Variants in PTPRD observed in about 807,000 individuals in gnomAD.
PTPRD encodes protein tyrosine phosphatase receptor type D.
In PTPRD, 34 loss-of-function variants were observed where a neutral mutation model predicts 214.5. The observed-to-expected ratio is 0.16, with a 90% CI of 0.12 to 0.21. PTPRD has a LOEUF of 0.21. PTPRD is among the 10% of genes least tolerant of loss of function. The pLI, the probability that PTPRD is intolerant of heterozygous loss-of-function variation, is 1.00. For missense variants in PTPRD, 2,545 were observed against 2,398.7 expected (o/e 1.06, Z -1.27); for synonymous variants, 1,128 against 845.7 (o/e 1.33, Z -5.79).
chr9:9,224,051 T>C lies in PTPRD; in HGVS notation c.-202-40688A>G, dbSNP rs187992713. On this transcript the variant is annotated intron_variant, in intron 9 of 45. Coordinates refer to ENST00000381196, the MANE Select transcript of PTPRD (RefSeq NM_002839.4). Reference sequence around the variant, plus strand: ...TGATTAGAAGATCATGTTGGTTTTGTACAAGGCCAGAACATTCTATAAAGA... The same window carrying C: ...TGATTAGAAGATCATGTTGGTTTTGCACAAGGCCAGAACATTCTATAAAGA... Among the ~76,000 whole-genome samples, 19 of 152,132 alleles carry C rather than the reference T, an allele frequency of 1.2e-4. No homozygotes were observed. The East Asian group carries it at 3.7e-3, about 29-fold the overall frequency.
At chr9:9,863,224 G>A (rs1051209471) in intron 5 of PTPRD, among the ~76,000 whole-genome samples, 11 of 152,126 alleles carry the variant, frequency 7.2e-5, no homozygotes, top group African/African-American at 2.7e-4. Context: ...GCAGATTAAA[G>A]GTTCACGGAC....
intron 4 of PTPRD, among the ~76,000 whole-genome samples, chr9:10,006,968 T>C (rs1335622011): frequency 1.3e-5 from 2 of 152,008 alleles, no homozygotes; most frequent in East Asian, 3.8e-4. Flanking sequence ...ATTATCACTA[T>C]TGGTATAATA....
At chr9:8,876,668 T>A (rs1372841363) in intron 11 of PTPRD, among the ~76,000 whole-genome samples, 2 of 152,214 alleles carry the variant, frequency 1.3e-5, no homozygotes, top group Non-Finnish European at 2.9e-5. Context: ...CTAGGAAATT[T>A]AATTGCAAAA....
intron 43 of PTPRD, among the ~76,000 whole-genome samples, chr9:8,332,064 C>T (rs756798324): frequency 1.1e-4 from 16 of 152,162 alleles, no homozygotes; most frequent in African/African-American, 3.1e-4. Context: ...AGTGGGGGTT[C>T]GTAACCATTC....
chr9:9,374,283 T>C (rs1432265587), intron 9 of PTPRD, among the ~76,000 whole-genome samples: 3 of 152,086 alleles, frequency 2.0e-5, no homozygotes, highest in Non-Finnish European at 2.9e-5. Flanking sequence ...TAATCTATAT[T>C]AGTTCTATTT....
Position 8,581,913 on chromosome 9 carries a change from CAAAAAAAAA to C in PTPRD, c.352+51395_352+51403del, listed in dbSNP as rs36007156. Among the ~76,000 whole-genome samples, 126 of 34,944 alleles carry C rather than the reference CAAAAAAAAA, an allele frequency of 3.6e-3. 2 individuals carry two copies. Among genetic ancestry groups the C allele is most frequent in the African/African-American group, 6.2e-3 (76 of 12,184 alleles). 22.9% of individuals were successfully genotyped at this position (34,944 alleles called of 152,430 possible). Reference sequence around the variant, plus strand: ...GGATGACAGAGCATGACTCAATCTCCAAAAAAAAAAAAAAAAAAAAAAAAAAAAAGAGGG... The same window carrying C: ...GGATGACAGAGCATGACTCAATCTCCAAAAAAAAAAAAAAAAAAAAGAGGG... On this transcript the variant is annotated intron_variant, in intron 14 of 45. Transcript: ENST00000381196.
intron 11 of PTPRD, among the ~76,000 whole-genome samples, chr9:8,835,098 G>A (rs1447214187): frequency 2.0e-5 from 3 of 152,222 alleles, no homozygotes; most frequent in Non-Finnish European, 4.4e-5. Context: ...GGATTCAACT[G>A]GGCCCCATGC....
intron 9 of PTPRD, among the ~76,000 whole-genome samples, chr9:9,325,031 G>A (rs975860174): frequency 6.6e-6 from 1 of 152,124 alleles, no homozygotes; most frequent in Non-Finnish European, 1.5e-5. Flanking sequence ...TGAGCCCTCT[G>A]TTCTGTTCCA....
intron 39 of PTPRD, among the ~76,000 whole-genome samples, chr9:8,354,356 A>G (rs376740648): frequency 6.6e-6 from 1 of 152,162 alleles, no homozygotes; most frequent in South Asian, 2.1e-4. Flanking sequence ...ACTATCTACC[A>G]TGACTGGTAA....
At chr9:9,798,977 G>A (rs1470835163) in intron 5 of PTPRD, among the ~76,000 whole-genome samples, 2 of 152,036 alleles carry the variant, frequency 1.3e-5, no homozygotes, top group Non-Finnish European at 2.9e-5. Flanking sequence ...TTTGAAAGTT[G>A]GGACATTTTT....
rs372913161 is a variant in PTPRD at position 8,484,386 on chromosome 9, G to A, written c.3154-8C>T. On this transcript the variant is annotated splice_polypyrimidine_tract_variant and splice_region_variant and intron_variant, in intron 29 of 45. Coordinates refer to ENST00000381196, the MANE Select transcript of PTPRD (RefSeq NM_002839.4). ...CCCATCATCATAAAGAATCTAAAGA[G>A]ATAAAACCAATAAAAAAAAAATCTG... The A allele has an allele frequency of 1.9e-6, 3 of 1,588,596 alleles. No individual in the cohort carries two copies. The highest frequency in any genetic ancestry group is 2.3e-5 in the South Asian group (2 of 88,034).
intron 5 of PTPRD, among the ~76,000 whole-genome samples, chr9:9,819,834 T>G (rs777871700): frequency 3.3e-5 from 5 of 152,178 alleles, no homozygotes; most frequent in Non-Finnish European, 5.9e-5. Context: ...TTTTTTTTTC[T>G]TTTATGGCTA....
chr9:9,279,448 C>G (rs1946871343), intron 9 of PTPRD, among the ~76,000 whole-genome samples: 1 of 149,378 alleles, frequency 6.7e-6, no homozygotes, highest in Non-Finnish European at 1.5e-5. Flanking sequence ...GAAGATAAAG[C>G]CATATGCAAA....
chr9:8,743,148 A>T (rs2092311267), intron 11 of PTPRD, among the ~76,000 whole-genome samples: 1 of 151,710 alleles, frequency 6.6e-6, no homozygotes, highest in Non-Finnish European at 1.5e-5. Context: ...AATCTAATAC[A>T]TTGCTTTCTA....
intron 11 of PTPRD, among the ~76,000 whole-genome samples, chr9:8,914,543 G>A (rs1302381265): frequency 6.6e-6 from 1 of 151,984 alleles, no homozygotes; most frequent in Non-Finnish European, 1.5e-5. Flanking sequence ...AGATAAATCT[G>A]GACCTGAAGC....
intron 9 of PTPRD, among the ~76,000 whole-genome samples, chr9:9,356,252 C>T (rs1459281278): frequency 6.6e-6 from 1 of 150,846 alleles, no homozygotes; most frequent in East Asian, 2.0e-4. Context: ...GAAATAACAG[C>T]AAGTTTGTGT....
At chr9:10,477,045 G>A (rs1381277091) in intron 2 of PTPRD, among the ~76,000 whole-genome samples, 4 of 152,056 alleles carry the variant, frequency 2.6e-5, no homozygotes, top group Non-Finnish European at 5.9e-5. Context: ...GGAAACCTAG[G>A]CAATACCATT....
chr9:10,115,195 T>C (rs368547984), intron 3 of PTPRD, among the ~76,000 whole-genome samples: 1 of 152,096 alleles, frequency 6.6e-6, no homozygotes, highest in African/African-American at 2.4e-5. Context: ...AATTTAAAAA[T>C]GTGGATTAGG....
At chr9:10,605,210 T>C (rs2078982110) in intron 2 of PTPRD, among the ~76,000 whole-genome samples, 2 of 151,844 alleles carry the variant, frequency 1.3e-5, no homozygotes, top group Non-Finnish European at 2.9e-5. Context: ...AATTTCCTCA[T>C]TTTTCTCTGT....
Sources: gnomAD v4.1 joint callset for allele counts (sites outside exome capture counted in the v4.1 genomes callset) on GRCh38, gnomAD v4.1.1 for gene constraint, MANE v1.5 for transcripts, NCBI Gene and HGNC (gene_info 2026-07-23, HGNC 2026-07-21) for gene names.